Variants in OVOL2 observed in about 807,000 individuals in gnomAD.
OVOL2 encodes transcription factor Ovo-like 2.
Under a neutral mutation model 18.1 loss-of-function variants are expected in OVOL2, and 13 were observed. The ratio of observed to expected loss-of-function variants is 0.72; its 90% CI spans 0.47 to 1.14. The LOEUF (loss-of-function observed/expected upper bound fraction) is 1.14, where lower values mean the gene tolerates loss of function less well. Among genes scored for constraint, OVOL2 ranks in the 50% most tolerant of loss-of-function variants. The probability of loss-of-function intolerance (pLI) is 0.00; values close to 1 mark genes in which losing one functional copy is unlikely to be tolerated. For missense variants in OVOL2, 335 were observed against 383.0 expected, an observed-to-expected ratio of 0.87 and a Z score of 1.05; for synonymous variants, 166 against 162.7, an observed-to-expected ratio of 1.02 and a Z score of -0.16.
chr20:18,049,557 C>CCT (rs1555796100), intron 2 of OVOL2, among the ~76,000 whole-genome samples: 2 of 150,588 alleles, frequency 1.3e-5, no homozygotes, highest in Admixed American at 6.7e-5. Flanking sequence ...AGATTCCCCC[C>CCT]CCGATCCTAT....
intron 2 of OVOL2, among the ~76,000 whole-genome samples, chr20:18,051,717 C>T (rs990981696): frequency 1.3e-5 from 2 of 152,116 alleles, no homozygotes; most frequent in Non-Finnish European, 2.9e-5. Flanking sequence ...TTTGAAATGT[C>T]GCTAGTAGGA....
At chr20:18,040,566 G>A (rs1478538996) in intron 3 of OVOL2, among the ~76,000 whole-genome samples, 2 of 152,230 alleles carry the variant, frequency 1.3e-5, no homozygotes, top group African/African-American at 4.8e-5. Flanking sequence ...CACTCTGGCA[G>A]AGGTGTGGAC....
At chr20:18,038,484 G>C (rs2036639476) in intron 3 of OVOL2, among the ~76,000 whole-genome samples, 1 of 152,176 alleles carries the variant, frequency 6.6e-6, no homozygotes, top group Non-Finnish European at 1.5e-5. Context: ...TAACTACTAT[G>C]TGACCGCCTC....
chr20:18,055,421 A>T (rs2036811660), intron 2 of OVOL2, among the ~76,000 whole-genome samples: 1 of 151,952 alleles, frequency 6.6e-6, no homozygotes, highest in Admixed American at 6.6e-5. Flanking sequence ...ACTTAACCCC[A>T]CCTGGCCCGG....
At chr20:18,040,145 A>C (rs1441770898) in intron 3 of OVOL2, among the ~76,000 whole-genome samples, 1 of 152,188 alleles carries the variant, frequency 6.6e-6, no homozygotes, top group Non-Finnish European at 1.5e-5. Context: ...GCTGGTCTCC[A>C]ACTCTTGGCC....
intron 3 of OVOL2, among the ~76,000 whole-genome samples, chr20:18,030,885 G>A (rs963559897): frequency 3.3e-5 from 5 of 152,178 alleles, no homozygotes; most frequent in African/African-American, 9.7e-5. Flanking sequence ...ACTGCCATGC[G>A]GCAGCCCCTT....
chr20:18,058,445 G>A (rs1206557105), upstream of OVOL2, among the ~76,000 whole-genome samples: 1 of 144,568 alleles, frequency 6.9e-6, no homozygotes, highest in African/African-American at 2.6e-5. Context: ...TAAAAATTCG[G>A]CATCTTTAGA....
chr20:18,058,435 T>A (rs1001366675), upstream of OVOL2, among the ~76,000 whole-genome samples: 1 of 144,938 alleles, frequency 6.9e-6, no homozygotes, highest in Non-Finnish European at 1.5e-5. Flanking sequence ...AAAATAAATT[T>A]AAAAATTCGG....
rs189687437 is a variant in OVOL2 at position 18,030,595 on chromosome 20, G to C, written c.512-5643C>G. Among the ~76,000 whole-genome samples, 166 of 152,302 alleles carry C rather than the reference G, an allele frequency of 1.1e-3. 1 individual carries two copies. The highest frequency in any genetic ancestry group is 7.6e-3 in the Admixed American group (116 of 15,286). ...TTCTATGAGCAGAGTACCCAGCAAG[G>C]CCTGGATAGCAAACGCTAGAAGATT... On this transcript the variant is annotated intron_variant, in intron 3 of 3. Coordinates refer to ENST00000278780, the MANE Select transcript of OVOL2 (RefSeq NM_021220.4).
intron 2 of OVOL2, among the ~76,000 whole-genome samples, chr20:18,051,987 G>A (rs113805511): frequency 0.035 from 5,401 of 152,150 alleles, 134 homozygotes; most frequent in Middle Eastern, 0.075. Flanking sequence ...TGATCCGCCC[G>A]CCTCGGCCTC....
At position 18,056,635 on chromosome 20, in the gene OVOL2, G is replaced by C; in HGVS notation, c.321+22C>G. ...GCCAGGGCGTGGTGCAGGTGGCGGCGGGGGCAGAGTCGACACAGTACCTTG... is the reference window on the plus strand; with the variant it reads ...GCCAGGGCGTGGTGCAGGTGGCGGCCGGGGCAGAGTCGACACAGTACCTTG... On this transcript the variant is annotated intron_variant, in intron 2 of 3. Coordinates refer to ENST00000278780, the MANE Select transcript of OVOL2 (RefSeq NM_021220.4). This position sits in a 1 kb window ranked among gnomAD's most constrained non-coding sequence, Gnocchi z 4.2. 7.2e-7 allele frequency: 1 copy of C among 1,379,424 alleles called. No homozygotes were observed. The highest frequency in any genetic ancestry group is 9.4e-7 in the Non-Finnish European group (1 of 1,065,496). 85.4% of individuals were successfully genotyped at this position (1,379,424 alleles called of 1,614,324 possible).
intron 2 of OVOL2, among the ~76,000 whole-genome samples, chr20:18,044,047 T>C (rs2036701485): frequency 6.6e-6 from 1 of 152,160 alleles, no homozygotes; most frequent in Admixed American, 6.6e-5. Context: ...CCCTTGCCGA[T>C]GCAGCCTTCT....
At chr20:18,055,450 G>A (rs2036812024) in intron 2 of OVOL2, among the ~76,000 whole-genome samples, 1 of 152,152 alleles carries the variant, frequency 6.6e-6, no homozygotes, top group Admixed American at 6.6e-5. Context: ...CAGGCCAGCT[G>A]ACTTTGAACC....
intron 2 of OVOL2, among the ~76,000 whole-genome samples, chr20:18,045,931 A>G (rs1463471995): frequency 6.6e-6 from 1 of 152,070 alleles, no homozygotes; most frequent in Non-Finnish European, 1.5e-5. Flanking sequence ...CAATTTTTCC[A>G]TTTCTCCCCA....
rs545407331 is a variant in OVOL2, at chr20:18,056,269, G to A, written c.321+388C>T. On this transcript the variant is annotated intron_variant, in intron 2 of 3. Transcript: ENST00000278780. The surrounding 1 kb of genome is among the most constrained non-coding windows in gnomAD (Gnocchi z 4.2). ...AGAGGGTGGAATTTCTGAGAGCGCT[G>A]AGGCTTCCTTTCCAACCTCAGGAAC... Among the ~76,000 whole-genome samples, 1 of 152,372 alleles carries A rather than the reference G, an allele frequency of 6.6e-6. No individual in the cohort carries two copies. The highest frequency in any genetic ancestry group is 1.9e-4 in the East Asian group (1 of 5,188).
In OVOL2 at chr20:18,057,520, C is replaced by A; in HGVS notation, c.100+15G>T. 6.4e-7 allele frequency: 1 copy of A among 1,558,936 alleles called. No individual in the cohort carries two copies. Among genetic ancestry groups the A allele is most frequent in the South Asian group, 1.2e-5 (1 of 84,990 alleles). On this transcript the variant is annotated intron_variant, in intron 1 of 3. Transcript: ENST00000278780. The surrounding 1 kb of genome is among the most constrained non-coding windows in gnomAD (Gnocchi z 6.3). ...GGGAGCCCAGCGCCCAGGCCCGGCC[C>A]CCGCGCGCGCTCACCTGGGATGTAG... is the stretch of plus-strand genomic sequence containing the variant.
intron 2 of OVOL2, among the ~76,000 whole-genome samples, chr20:18,050,250 A>C (rs991590288): frequency 1.3e-5 from 2 of 152,206 alleles, no homozygotes; most frequent in Non-Finnish European, 2.9e-5. Context: ...CACCAGTTAC[A>C]TGCACTATCA....
At chr20:18,055,593 C>T (rs2036814150) in intron 2 of OVOL2, among the ~76,000 whole-genome samples, 1 of 152,198 alleles carries the variant, frequency 6.6e-6, no homozygotes, top group African/African-American at 2.4e-5. Context: ...CAGCCCACCC[C>T]GGAGTCAAAC....
At chr20:18,058,035 G>T (rs1298463876), upstream of OVOL2, among the ~76,000 whole-genome samples, 1 of 152,200 alleles carries the variant, frequency 6.6e-6, no homozygotes, top group Non-Finnish European at 1.5e-5. Flanking sequence ...GTTTGCAAAA[G>T]AATTTAAAGT....
Sources: gnomAD v4.1 joint callset for allele counts (sites outside exome capture counted in the v4.1 genomes callset) on GRCh38, gnomAD v4.1.1 for gene constraint, Gnocchi (gnomAD v3.1) non-coding constraint, MANE v1.5 for transcripts, NCBI Gene and HGNC (gene_info 2026-07-23, HGNC 2026-07-21) for gene names.